DSCAML1: variants seen among roughly 807,000 people sequenced by gnomAD.
The protein encoded by DSCAML1 is cell adhesion molecule DSCAML1.
Under a neutral mutation model 200.5 loss-of-function variants are expected in DSCAML1, and 38 were observed. The observed-to-expected ratio is 0.19, with a 90% CI of 0.15 to 0.25. The LOEUF (loss-of-function observed/expected upper bound fraction) is 0.25. DSCAML1 is among the 10% of genes least tolerant of loss of function. The probability of loss-of-function intolerance (pLI) is 1.00; values close to 1 mark genes in which losing one functional copy is unlikely to be tolerated. For missense variants in DSCAML1, 2,223 were observed against 2,858.8 expected (o/e 0.78, Z 5.07); for synonymous variants, 1,215 against 1,165.0 (o/e 1.04, Z -0.87).
At chr11:117,759,482 C>G (rs1257489990) in intron 3 of DSCAML1, among the ~76,000 whole-genome samples, 1 of 152,238 alleles carries the variant, frequency 6.6e-6, no homozygotes, top group African/African-American at 2.4e-5. Context: ...GGAAGGCAAG[C>G]AGGGGATCAC....
Position 117,816,798 on chromosome 11 carries a change from T to TGG in DSCAML1, c.-250+590_-250+591dup, listed in dbSNP as rs1024946477. Among the ~76,000 whole-genome samples, 154 of 100,206 alleles carry TGG rather than the reference T, an allele frequency of 1.5e-3. 4 individuals are homozygous for TGG. The highest frequency in any genetic ancestry group is 4.9e-3 in the African/African-American group (141 of 29,008). 65.7% of individuals were successfully genotyped at this position (100,206 alleles called of 152,430 possible). On this transcript the variant is annotated intron_variant, in intron 1 of 2. Transcript: ENST00000525836. ...TACAAGAGAGAGAGTTCGGAATTGC[T>TGG]GGGGGGGTGGGGTGGAGATTTCTCC...
chr11:117,434,041 TGGAAGAGA>T (rs1395351679), intron 27 of DSCAML1, among the ~76,000 whole-genome samples: 3 of 152,202 alleles, frequency 2.0e-5, no homozygotes, highest in African/African-American at 7.2e-5. Flanking sequence ...GTTAGGAATT[TGGAAGAGA>T]GGAGAATTAA....
chr11:117,814,977 CTGAT>C (rs1180929448), intron 1 of DSCAML1, among the ~76,000 whole-genome samples: 3 of 152,240 alleles, frequency 2.0e-5, no homozygotes, highest in African/African-American at 7.2e-5. Flanking sequence ...CACTCGGTTA[CTGAT>C]TGATAGGCCA....
intron 3 of DSCAML1, among the ~76,000 whole-genome samples, chr11:117,679,878 T>C (rs955640784): frequency 1.3e-5 from 2 of 152,172 alleles, no homozygotes; most frequent in African/African-American, 4.8e-5. Context: ...AGAATTCAGA[T>C]GTCAGATATG....
At position 117,428,087 on chromosome 11, in the gene DSCAML1, G is replaced by A. The variant is rs971805276; in HGVS notation, c.*241C>T. 2.2e-5 allele frequency: 10 copies of A among 448,478 alleles called. No homozygotes were observed. The highest frequency in any genetic ancestry group is 3.9e-5 in the Non-Finnish European group (10 of 254,006). The allele number at this position is 448,478 out of a possible 1,614,324, so 27.8% of individuals were successfully genotyped here. A position where few individuals can be genotyped will look rare whatever the true frequency, so the allele number is the denominator to read the frequency against. On this transcript the variant is annotated 3_prime_UTR_variant, in exon 33 of 33. Coordinates refer to ENST00000651296, the MANE Select transcript of DSCAML1 (RefSeq NM_020693.4). ...TATATATCTCCACACATATTTTGTG[G>A]GGTGGGGGATTTGACTTGTACTGTC...
Position 117,776,929 on chromosome 11 carries a change from C to T in DSCAML1, c.373G>A (p.Glu125Lys). The T allele has an allele frequency of 6.2e-7, 1 of 1,613,796 alleles. No homozygotes were observed. Among genetic ancestry groups the T allele is most frequent in the Non-Finnish European group, 8.5e-7 (1 of 1,180,014 alleles). The change falls in exon 3 of 33, where the codon GAA becomes AAA. Residue 125 changes from glutamate (E) to lysine (K), a missense_variant. Around this residue, in one of 7 missense-constraint regions of DSCAML1, gnomAD observed 579 missense variants for 721.5 expected, o/e 0.80. Transcript: ENST00000651296. The stretch of plus-strand genomic sequence containing the variant: ...TCCTCCACCCGGACGGTGTAGGGTT[C>T]CCTGAAAACTGCAGAGAGATTGGCA... ...PNIRVKAVFR[E>K]PYTVRVEDQR... is the part of the protein sequence containing the mutation.
chr11:117,685,836 T>A (rs943207799), intron 3 of DSCAML1, among the ~76,000 whole-genome samples: 18 of 152,140 alleles, frequency 1.2e-4, no homozygotes, highest in African/African-American at 4.3e-4. Context: ...AGGGAGAGGA[T>A]GACTGCTAGC....
At chr11:117,640,964 C>T (rs2052394142) in intron 3 of DSCAML1, among the ~76,000 whole-genome samples, 1 of 152,198 alleles carries the variant, frequency 6.6e-6, no homozygotes, top group Non-Finnish European at 1.5e-5. Flanking sequence ...CAAAATAATA[C>T]AAAGGCCAGA....
intron 3 of DSCAML1, among the ~76,000 whole-genome samples, chr11:117,734,543 A>G (rs2054285714): frequency 6.6e-6 from 1 of 151,900 alleles, no homozygotes. Context: ...CTTATTTTAA[A>G]CCTTGAATTG....
At chr11:117,535,108 C>T (rs912712240) in intron 3 of DSCAML1, among the ~76,000 whole-genome samples, 1 of 152,136 alleles carries the variant, frequency 6.6e-6, no homozygotes, top group African/African-American at 2.4e-5. Context: ...AGACTTAGCC[C>T]ATCAGAGCAG....
intron 11 of DSCAML1, among the ~76,000 whole-genome samples, chr11:117,490,978 C>G (rs1170210931): frequency 6.6e-6 from 1 of 152,208 alleles, no homozygotes; most frequent in East Asian, 1.9e-4. Context: ...TCTTTGTCTC[C>G]TGGCCTCTTT....
rs1490351796 is a variant in DSCAML1 at position 117,810,072 on chromosome 11, T to TCGCACACACATAC, written c.-250+7317_-250+7318insGTATGTGTGTGCG. ...ACTCACACACATTCACACACTCACT[T>TCGCACACACATAC]ACACATTCGCACACACATACACACA... is the stretch of plus-strand genomic sequence containing the variant. On this transcript the variant is annotated intron_variant, in intron 1 of 2. Transcript: ENST00000525836. Among the ~76,000 whole-genome samples, 763 of 150,842 alleles carry TCGCACACACATAC rather than the reference T, an allele frequency of 5.1e-3. 5 individuals are homozygous for TCGCACACACATAC. The highest frequency in any genetic ancestry group is 0.017 in the African/African-American group (712 of 40,882).
At chr11:117,713,363 G>A (rs149775046) in intron 3 of DSCAML1, among the ~76,000 whole-genome samples, 308 of 152,248 alleles carry the variant, frequency 2.0e-3, no homozygotes, top group African/African-American at 6.7e-3. Context: ...TAATCCACCC[G>A]CCTTGACCTC....
intron 3 of DSCAML1, among the ~76,000 whole-genome samples, chr11:117,718,227 C>G (rs1288938173): frequency 1.3e-5 from 2 of 152,200 alleles, no homozygotes; most frequent in African/African-American, 4.8e-5. Flanking sequence ...ACCCCGCCAT[C>G]CCCCACCCCC....
chr11:117,623,535 TGGAAGGCCCCTTAGCATG>T (rs2051982924), intron 3 of DSCAML1, among the ~76,000 whole-genome samples: 1 of 152,148 alleles, frequency 6.6e-6, no homozygotes, highest in Non-Finnish European at 1.5e-5. Context: ...AAACTTGCAG[TGGAAGGCCCCTTAGCATG>T]GGATCTAGGG....
At chr11:117,799,564 T>C (rs1011442309), upstream of DSCAML1, among the ~76,000 whole-genome samples, 3 of 152,188 alleles carry the variant, frequency 2.0e-5, no homozygotes, top group Admixed American at 6.5e-5. Context: ...AGGAGACATA[T>C]ACGTGGAAAT....
chr11:117,470,603 C>T (rs1480718443), intron 15 of DSCAML1, among the ~76,000 whole-genome samples: 1 of 152,154 alleles, frequency 6.6e-6, no homozygotes, highest in East Asian at 1.9e-4. Flanking sequence ...GAAGTATTTG[C>T]CTGTTTGATG....
intron 11 of DSCAML1, among the ~76,000 whole-genome samples, chr11:117,501,566 G>A (rs7928478): frequency 0.36 from 53,961 of 151,946 alleles, 10,698 homozygotes; most frequent in African/African-American, 0.53. Flanking sequence ...GAGGGCCTCT[G>A]GGATGGCTGG....
intron 3 of DSCAML1, among the ~76,000 whole-genome samples, chr11:117,619,071 C>T (rs562434411): frequency 1.3e-5 from 2 of 152,296 alleles, no homozygotes; most frequent in African/African-American, 4.8e-5. Flanking sequence ...CTGTTCCCTC[C>T]CCAGCTCCAC....
Sources: allele counts gnomAD v4.1 joint callset (sites outside exome capture counted in the v4.1 genomes callset), GRCh38; gene constraint gnomAD v4.1.1; regional missense constraint gnomAD v4.1.1; transcripts MANE v1.5; gene names NCBI Gene and HGNC (gene_info 2026-07-23, HGNC 2026-07-21).